The following SAFB2 variants were observed in gnomAD, a reference collection of about 807,000 sequenced individuals.
SAFB2 encodes the protein scaffold attachment factor B2.
Under a neutral mutation model 100.6 loss-of-function variants are expected in SAFB2, and 32 were observed. The observed-to-expected ratio is 0.32, with a 90% confidence interval of 0.24 to 0.43. The LOEUF is 0.43. Ranked by LOEUF, SAFB2 falls within the 20% of genes least tolerant of loss-of-function variation. SAFB2 has a pLI of 1.00. For missense variants in SAFB2, 1,185 were observed against 1,163.4 expected (o/e 1.02, Z -0.27); for synonymous variants, 500 against 439.4 (o/e 1.14, Z -1.72).
intron 4 of SAFB2, among the ~76,000 whole-genome samples, chr19:5,614,241 C>T (rs2052975040): frequency 6.6e-6 from 1 of 152,210 alleles, no homozygotes; most frequent in Non-Finnish European, 1.5e-5. Context: ...GTGTGAGCCA[C>T]CGCGCCTGGC....
chr19:5,595,595 C>T, intron 13 of SAFB2, 98 bp from the exon 14 acceptor site: 5 of 1,436,426 alleles, frequency 3.5e-6, no homozygotes, highest in Non-Finnish European at 4.7e-6. Flanking sequence ...ATTCTCTGGC[C>T]CCACATGGTG....
At position 5,591,978 on chromosome 19, in the gene SAFB2, G is replaced by A. The variant is rs567663870; in HGVS notation, c.2349-185C>T. The stretch of plus-strand genomic sequence containing the variant: ...TTTCCCCGGGGGCAGAAACGAAGTT[G>A]GATCCTAAAGAGGTAGGAATAAAGA... On this transcript the variant is annotated intron_variant, in intron 16 of 20. Transcript: ENST00000252542. Among the ~76,000 whole-genome samples the A allele has an allele frequency of 8.7e-4, 133 of 152,332 alleles. 1 individual carries two copies. The highest frequency in any genetic ancestry group is 6.8e-3 in the Middle Eastern group (2 of 294).
intron 11 of SAFB2, among the ~76,000 whole-genome samples, chr19:5,601,359 C>T (rs1173396097): frequency 6.6e-6 from 1 of 152,098 alleles, no homozygotes; most frequent in Non-Finnish European, 1.5e-5. Context: ...AGGAGTGACA[C>T]GAACGAGGCC....
In SAFB2 at chr19:5,610,209, G is replaced by C. The variant is rs1042831925; in HGVS notation, c.1196-114C>G. The stretch of plus-strand genomic sequence containing the variant: ...CTAACGACGCCCAATCCCAACTGCT[G>C]ACTTAAGAATTTAACGCACACACAC... On this transcript the variant is annotated intron_variant, in intron 8 of 20. Coordinates refer to ENST00000252542, the MANE Select transcript of SAFB2 (RefSeq NM_014649.3). 5.0e-6 allele frequency: 4 copies of C among 798,166 alleles called. No homozygotes were observed. In the African/African-American group the frequency reaches 5.1e-5, roughly 10 times the overall value. The allele number at this position is 798,166 out of a possible 1,614,324, so 49.4% of individuals were successfully genotyped here.
intron 14 of SAFB2, 51 bp downstream of exon 14, chr19:5,595,310 G>A: frequency 2.5e-6 from 4 of 1,582,044 alleles, no homozygotes; most frequent in African/African-American, 1.4e-5. Context: ...GAGAAGGACA[G>A]CCACCCCGAG....
At chr19:5,599,773 G>A (rs79518037) in intron 12 of SAFB2, among the ~76,000 whole-genome samples, 1 of 151,854 alleles carries the variant, frequency 6.6e-6, no homozygotes, top group Non-Finnish European at 1.5e-5. Context: ...CATAATGTGG[G>A]AAAACTTTAC....
chr19:5,605,885 G>C (rs764358999), intron 9 of SAFB2, among the ~76,000 whole-genome samples: 1 of 152,192 alleles, frequency 6.6e-6, no homozygotes, highest in African/African-American at 2.4e-5. Flanking sequence ...CCAAGACAGA[G>C]AGAAATCACG....
At chr19:5,616,638 GTTTTCTTTTTT>G in intron 2 of SAFB2, 152 bp from the exon 3 acceptor site, 1 of 144,360 alleles carries the variant, frequency 6.9e-6, no homozygotes, top group Non-Finnish European at 1.3e-5. Flanking sequence ...GTCTCAATTT[GTTTTCTTTTTT>G]TTTTTTTTTT....
In SAFB2 at chr19:5,617,602, C is replaced by T. The variant is rs554916778; in HGVS notation, c.275-1116G>A. 1.1e-4 allele frequency among the ~76,000 whole-genome samples: 17 copies of T among 152,180 alleles called. No individual in the cohort carries two copies. The South Asian group carries it at 2.9e-3, about 26-fold the overall frequency. ...TTTTCATTCAGATATGGTTCACAAC[C>T]GGGGGGAATGGCTGGCAATGTCTGG... On this transcript the variant is annotated intron_variant, in intron 2 of 20. Coordinates refer to ENST00000252542, the MANE Select transcript of SAFB2 (RefSeq NM_014649.3).
At chr19:5,601,225 A>C (rs1040968680) in intron 11 of SAFB2, among the ~76,000 whole-genome samples, 2 of 152,190 alleles carry the variant, frequency 1.3e-5, no homozygotes, top group African/African-American at 2.4e-5. Flanking sequence ...CCCAGAACTG[A>C]CTATTGTAAA....
intron 9 of SAFB2, among the ~76,000 whole-genome samples, chr19:5,608,591 A>G (rs1470717071): frequency 2.0e-5 from 3 of 152,224 alleles, no homozygotes; most frequent in Admixed American, 2.0e-4. Context: ...CGGGTGACAC[A>G]GACCTAGACA....
chr19:5,613,442 T>C, intron 5 of SAFB2, 23 bp downstream of exon 5: 1 of 1,601,408 alleles, frequency 6.2e-7, no homozygotes, highest in Non-Finnish European at 8.6e-7. Flanking sequence ...TTTCCAGCGA[T>C]GCAGAACCAG....
At chr19:5,609,051 C>CAAAAAAAAAAAAAAAAAAAAAAAAAAA (rs60419324) in intron 9 of SAFB2, among the ~76,000 whole-genome samples, 2 of 72,704 alleles carry the variant, frequency 2.8e-5, no homozygotes, top group Non-Finnish European at 5.1e-5. Context: ...GACGCAGTCT[C>CAAAAAAAAAAAAAAAAAAAAAAAAAAA]AAAAAAAAAA....
intron 13 of SAFB2, among the ~76,000 whole-genome samples, chr19:5,595,897 T>C (rs112718150): frequency 3.3e-5 from 5 of 152,302 alleles, no homozygotes; most frequent in African/African-American, 1.2e-4. Flanking sequence ...GGCCAGCTGT[T>C]TGGACAGCTG....
In SAFB2 at chr19:5,587,515, A is replaced by AG; in HGVS notation, c.2706-117dup. The AG allele has an allele frequency of 6.8e-7, 1 of 1,479,082 alleles. No individual in the cohort carries two copies. The highest frequency in any genetic ancestry group is 2.4e-5 in the Admixed American group (1 of 41,544). 91.6% of individuals were successfully genotyped at this position (1,479,082 alleles called of 1,614,324 possible). The stretch of plus-strand genomic sequence containing the variant: ...AGCGCTTGGGTTTTTTTTCCAGGTG[A>AG]GAAAAATCATCATCGCACATTGTAT... On this transcript the variant is annotated intron_variant, in intron 20 of 20. Coordinates refer to ENST00000252542, the MANE Select transcript of SAFB2 (RefSeq NM_014649.3). The surrounding 1 kb of genome is among the most constrained non-coding windows in gnomAD (Gnocchi z 4.9).
At chr19:5,600,080 C>A (rs527565590) in intron 12 of SAFB2, 50 bp downstream of exon 12, 2 of 1,580,874 alleles carry the variant, frequency 1.3e-6, no homozygotes, top group East Asian at 2.2e-5. Context: ...CCCCACTCCC[C>A]ACCCGTGCCA....
rs1340958802 is a variant in SAFB2, at chr19:5,612,574, A to G, written c.607-7T>C. ...AAAGGGATTCTTCAATGTCCTATTT[A>G]AAAAAGAAAAAGCAAATCCACAAGT... On this transcript the variant is annotated splice_region_variant and splice_polypyrimidine_tract_variant and intron_variant, in intron 5 of 20. Transcript: ENST00000252542. 2 of 1,611,954 alleles carry G rather than the reference A, an allele frequency of 1.2e-6. No homozygotes were observed. Among genetic ancestry groups the G allele is most frequent in the Non-Finnish European group, 1.7e-6 (2 of 1,178,648 alleles).
intron 14 of SAFB2, 96 bp downstream of exon 14, chr19:5,595,265 C>A (rs557504319): frequency 1.1e-5 from 16 of 1,482,574 alleles, no homozygotes; most frequent in Admixed American, 2.1e-5. Flanking sequence ...CACTGGCTCT[C>A]GGGCACACAG....
intron 13 of SAFB2, 136 bp downstream of exon 13, chr19:5,598,657 A>G (rs2052585398): frequency 2.8e-6 from 2 of 713,524 alleles, no homozygotes; most frequent in East Asian, 5.4e-5. Flanking sequence ...TGTATCCGCA[A>G]TCTACACAAT....
Sources: allele counts gnomAD v4.1 joint callset (sites outside exome capture counted in the v4.1 genomes callset), GRCh38; gene constraint gnomAD v4.1.1; non-coding constraint Gnocchi (gnomAD v3.1); transcripts MANE v1.5; gene names NCBI Gene and HGNC (gene_info 2026-07-23, HGNC 2026-07-21).